Variants in NTM observed in about 807,000 individuals in gnomAD.
NTM encodes neurotrimin, also known as IgLON family member 2.
A neutral mutation model predicts 42.1 loss-of-function variants in NTM; 13 were observed. The observed-to-expected ratio is 0.31, with a 90% CI of 0.20 to 0.49. The LOEUF is 0.49. NTM is among the 20% of genes least tolerant of loss of function. The probability of loss-of-function intolerance (pLI) is 0.99; values close to 1 mark genes in which losing one functional copy is unlikely to be tolerated. For synonymous variants in NTM, 187 were observed against 179.2 expected, an observed-to-expected ratio of 1.04 and a Z score of -0.35; for missense variants, 373 against 452.8, an observed-to-expected ratio of 0.82 and a Z score of 1.60.
In NTM at chr11:132,115,198, C is replaced by T. The variant is rs532505540; in HGVS notation, c.168-31084C>T. On this transcript the variant is annotated intron_variant, in intron 2 of 8. Coordinates refer to ENST00000683400, the MANE Select transcript of NTM (RefSeq NM_001352005.2). ...GTGAACGGGTACAAAGTTTCAGTTA[C>T]GTAGGGTAATTCTGGAGATCTAACG... Among the ~76,000 whole-genome samples, 7 of 152,182 alleles carry T rather than the reference C, an allele frequency of 4.6e-5. No individual in the cohort carries two copies. The South Asian group carries it at 6.2e-4, about 14-fold the overall frequency.
chr11:131,509,449 A>G (rs973033731), intron 1 of NTM, among the ~76,000 whole-genome samples: 6 of 152,146 alleles, frequency 3.9e-5, no homozygotes, highest in Admixed American at 1.3e-4. Flanking sequence ...TGGCCTTACA[A>G]TGTATTAATA....
rs542456602 is a variant in NTM, at chr11:131,960,897, T to C, written c.167+49249T>C. ...GAAGATTCAGGTGCAGGAGGGTCAA[T>C]ATTGCTTTTTGAAATTCACAGAGAT... is the stretch of plus-strand genomic sequence containing the variant. On this transcript the variant is annotated intron_variant, in intron 2 of 8. Transcript: ENST00000683400. 1.2e-4 allele frequency among the ~76,000 whole-genome samples: 19 copies of C among 152,302 alleles called. 1 individual carries two copies. The East Asian group carries it at 1.4e-3, about 11-fold the overall frequency.
intron 3 of NTM, among the ~76,000 whole-genome samples, chr11:132,210,716 G>T (rs1020734098): frequency 6.6e-6 from 1 of 152,176 alleles, no homozygotes; most frequent in Non-Finnish European, 1.5e-5. Context: ...GAGGTTCTAC[G>T]ACTGGACCCC....
chr11:132,107,746 A>T lies in NTM; in HGVS notation c.168-38536A>T, dbSNP rs145458641. Among the ~76,000 whole-genome samples, 21 of 152,174 alleles carry T rather than the reference A, an allele frequency of 1.4e-4. No individual in the cohort carries two copies. In the East Asian group the frequency reaches 3.5e-3, roughly 25 times the overall value. The stretch of plus-strand genomic sequence containing the variant: ...TGGGAACAATCTATGATATGTTCTC[A>T]TTGTTCCTAATGTTCTTGACTTCCA... On this transcript the variant is annotated intron_variant, in intron 2 of 8. Transcript: ENST00000683400.
chr11:132,325,897 C>G (rs1426197332), intron 7 of NTM, among the ~76,000 whole-genome samples: 3 of 152,084 alleles, frequency 2.0e-5, no homozygotes, highest in Non-Finnish European at 4.4e-5. Flanking sequence ...AACCATCATT[C>G]TCAGCAAACT....
At chr11:132,269,013 G>T (rs1487663491) in intron 4 of NTM, among the ~76,000 whole-genome samples, 1 of 151,960 alleles carries the variant, frequency 6.6e-6, no homozygotes, top group African/African-American at 2.4e-5. Context: ...TTTATCCCCT[G>T]CATTCCAAAG....
intron 2 of NTM, among the ~76,000 whole-genome samples, chr11:132,004,917 G>C (rs2070411987): frequency 6.6e-6 from 1 of 152,170 alleles, no homozygotes; most frequent in South Asian, 2.1e-4. Flanking sequence ...TTTAATAGTT[G>C]CATTTAGAAT....
intron 1 of NTM, among the ~76,000 whole-genome samples, chr11:131,736,442 C>T (rs1165336497): frequency 6.6e-6 from 1 of 152,188 alleles, no homozygotes; most frequent in African/African-American, 2.4e-5. Context: ...ACCACATTAT[C>T]TGTCTGAGGT....
At chr11:131,817,652 G>A (rs1317870845) in intron 1 of NTM, among the ~76,000 whole-genome samples, 2 of 152,222 alleles carry the variant, frequency 1.3e-5, no homozygotes, top group Non-Finnish European at 2.9e-5. Context: ...TATATACAAA[G>A]GTTTTCCTGG....
At chr11:131,723,814 TTGTGTGTGTGTGCA>T (rs1222288756) in intron 1 of NTM, among the ~76,000 whole-genome samples, 2 of 151,758 alleles carry the variant, frequency 1.3e-5, no homozygotes, top group East Asian at 1.9e-4. Flanking sequence ...GTGTATCTGT[TTGTGTGTGTGTGCA>T]TGTGTGTGTG....
chr11:132,312,133 A>C (rs1332637469), intron 6 of NTM, among the ~76,000 whole-genome samples: 2 of 152,156 alleles, frequency 1.3e-5, no homozygotes, highest in Non-Finnish European at 2.9e-5. Context: ...CAGCTGCAGC[A>C]TCCCTGCCTC....
intron 2 of NTM, among the ~76,000 whole-genome samples, chr11:131,962,848 C>A (rs1231669774): frequency 6.6e-6 from 1 of 152,112 alleles, no homozygotes; most frequent in African/African-American, 2.4e-5. Context: ...TGAGCAATGA[C>A]CACACTGTCC....
chr11:131,495,569 T>G (rs1319258895), intron 1 of NTM, among the ~76,000 whole-genome samples: 1 of 152,246 alleles, frequency 6.6e-6, no homozygotes, highest in African/African-American at 2.4e-5. Flanking sequence ...TGGTCGATAC[T>G]TGGGAGTAGG....
intron 1 of NTM, among the ~76,000 whole-genome samples, chr11:131,657,054 G>T (rs146359535): frequency 1.3e-5 from 2 of 151,886 alleles, no homozygotes; most frequent in Non-Finnish European, 2.9e-5. Flanking sequence ...GGAGGAAGGC[G>T]GGCCTGGAGA....
chr11:132,062,534 G>T (rs1446173166), intron 2 of NTM, among the ~76,000 whole-genome samples: 1 of 151,554 alleles, frequency 6.6e-6, no homozygotes, highest in Non-Finnish European at 1.5e-5. Flanking sequence ...AGTGAAATTG[G>T]GAATATTTGC....
chr11:131,543,845 G>A (rs2053593747), intron 1 of NTM, among the ~76,000 whole-genome samples: 1 of 152,172 alleles, frequency 6.6e-6, no homozygotes, highest in Non-Finnish European at 1.5e-5. Context: ...CATCCTTATG[G>A]CAGGCACATT....
At chr11:132,069,648 C>A (rs61901978) in intron 2 of NTM, among the ~76,000 whole-genome samples, 5,263 of 105,680 alleles carry the variant, frequency 0.05, 14 homozygotes, top group Middle Eastern at 0.14. Flanking sequence ...AACAGGTCAC[C>A]CAGCCAAGTT....
chr11:132,121,149 C>T (rs1439250295), intron 2 of NTM, among the ~76,000 whole-genome samples: 1 of 152,086 alleles, frequency 6.6e-6, no homozygotes, highest in Non-Finnish European at 1.5e-5. Flanking sequence ...GGTTTCACCG[C>T]AGGAGCCTGA....
chr11:131,617,845 G>A (rs1032607763), intron 1 of NTM, among the ~76,000 whole-genome samples: 6 of 152,208 alleles, frequency 3.9e-5, no homozygotes, highest in African/African-American at 1.4e-4. Flanking sequence ...TTTTGTAGAT[G>A]ATAGGGGTGA....
Sources: allele counts gnomAD v4.1 joint callset (sites outside exome capture counted in the v4.1 genomes callset), GRCh38; gene constraint gnomAD v4.1.1; transcripts MANE v1.5; gene names NCBI Gene and HGNC (gene_info 2026-07-23, HGNC 2026-07-21).